Variants in MMEL1 observed in about 807,000 individuals in gnomAD.
The protein encoded by MMEL1 is membrane metallo-endopeptidase-like 1.
A neutral mutation model predicts 117.1 loss-of-function variants in MMEL1; 98 were observed. That is an observed-to-expected ratio of 0.84 (90% CI 0.71 to 0.99). MMEL1 has a LOEUF of 0.99. MMEL1 is among the 50% of genes least tolerant of loss of function. The probability of loss-of-function intolerance (pLI) is 0.00; values close to 1 mark genes in which losing one functional copy is unlikely to be tolerated. For synonymous variants in MMEL1, 390 were observed against 415.1 expected (o/e 0.94, Z 0.74); for missense variants, 1,014 against 1,049.1 (o/e 0.97, Z 0.46).
chr1:2,596,482 G>A, intron 14 of MMEL1, 79 bp downstream of exon 14: 2 of 1,551,596 alleles, frequency 1.3e-6, no homozygotes, highest in East Asian at 2.3e-5. Context: ...CCTGGGCGGG[G>A]TGGGAGTCTC....
At chr1:2,614,149 G>C (rs1171308332) in intron 2 of MMEL1, among the ~76,000 whole-genome samples, 2 of 152,232 alleles carry the variant, frequency 1.3e-5, no homozygotes, top group Non-Finnish European at 2.9e-5. Flanking sequence ...ATAGCACAAA[G>C]AGTAAACCTT....
At chr1:2,615,224 G>T (rs1407560988) in intron 2 of MMEL1, among the ~76,000 whole-genome samples, 1 of 152,118 alleles carries the variant, frequency 6.6e-6, no homozygotes, top group African/African-American at 2.4e-5. Flanking sequence ...CTATGAAAAA[G>T]AAGGGAAAAA....
chr1:2,596,082 C>T lies in MMEL1; in HGVS notation c.1427G>A (p.Arg476Gln), dbSNP rs571643521. Reference sequence around the variant, plus strand: ...GTCCAGCGTCTCCACAAACACTGTCCGCACCTTGTCAATGAGTTCTCTGAC... The same window carrying T: ...GTCCAGCGTCTCCACAAACACTGTCTGCACCTTGTCAATGAGTTCTCTGAC... ...SMVRELIDKVRTVFVETLDEL... is the reference protein window; with the variant it reads ...SMVRELIDKVQTVFVETLDEL... The change falls in exon 15 of 24, where the codon CGG becomes CAG. Residue 476 changes from arginine (R) to glutamine (Q), a missense_variant. Arg to Gln is a conservative substitution (Grantham distance 43). Coordinates refer to ENST00000378412, the MANE Select transcript of MMEL1 (RefSeq NM_033467.4). The T allele has an allele frequency of 3.1e-5, 50 of 1,614,030 alleles. No homozygotes were observed. The highest frequency in any genetic ancestry group is 6.7e-5 in the East Asian group (3 of 44,866).
intron 22 of MMEL1, 34 bp from the exon 23 acceptor site, chr1:2,591,667 CGTG>C: frequency 3.6e-6 from 2 of 555,190 alleles, no homozygotes; most frequent in Non-Finnish European, 6.5e-6. Context: ...CTACAGGTGG[CGTG>C]GTGGGGTGGC....
Position 2,593,890 on chromosome 1 carries a change from C to T in MMEL1, c.1791G>A (p.Glu597=). ...CTCCAAAGTTCAAGGCCTGTGGCTG[C>T]TCCTTGCTGAAGAAGGGGGGCTGGA... ...GILQPPFFSK[E]QPQALNFGGI... is the part of the protein sequence containing the mutation. Residue 597 remains glutamate, a synonymous_variant, in exon 19 of 24, where the codon GAG becomes GAA. Transcript: ENST00000378412. 1 of 1,612,296 alleles carries T rather than the reference C, an allele frequency of 6.2e-7. No homozygotes were observed. The highest frequency in any genetic ancestry group is 1.1e-5 in the South Asian group (1 of 90,968).
At chr1:2,607,801 G>A (rs563231504) in intron 6 of MMEL1, among the ~76,000 whole-genome samples, 24 of 152,120 alleles carry the variant, frequency 1.6e-4, no homozygotes, top group East Asian at 5.8e-4. Flanking sequence ...ACTAGAGGCC[G>A]GCCTCCTCTG....
Position 2,620,703 on chromosome 1 carries a change from G to A in MMEL1, c.155-8499C>T, listed in dbSNP as rs981429545. Among the ~76,000 whole-genome samples, 26 of 151,772 alleles carry A rather than the reference G, an allele frequency of 1.7e-4. 1 individual carries two copies. ...CTCACTGTCTCTTTCCACCACATGAGGACACAGCAAGAAGGTGGCCATTTG... is the reference window on the plus strand; with the variant it reads ...CTCACTGTCTCTTTCCACCACATGAAGACACAGCAAGAAGGTGGCCATTTG... On this transcript the variant is annotated intron_variant, in intron 2 of 23. Transcript: ENST00000378412.
At chr1:2,630,934 C>T (rs753728802) in intron 1 of MMEL1, among the ~76,000 whole-genome samples, 13 of 128,038 alleles carry the variant, frequency 1.0e-4, no homozygotes, top group African/African-American at 3.0e-4. Context: ...TGATTGTGTG[C>T]GTGGATATGC....
chr1:2,592,990 G>C lies in MMEL1; in HGVS notation c.1868-24C>G. 3 of 1,610,108 alleles carry C rather than the reference G, an allele frequency of 1.9e-6. No individual in the cohort carries two copies. The South Asian group carries it at 3.3e-5, about 18-fold the overall frequency. Reference sequence around the variant, plus strand: ...GCCTGGGCAGGGGCAGAGGAGGGCTGCCCACATGCCCCTGGCTGCACTGTG... The same window carrying C: ...GCCTGGGCAGGGGCAGAGGAGGGCTCCCCACATGCCCCTGGCTGCACTGTG... On this transcript the variant is annotated intron_variant, in intron 19 of 23. Coordinates refer to ENST00000378412, the MANE Select transcript of MMEL1 (RefSeq NM_033467.4).
intron 6 of MMEL1, among the ~76,000 whole-genome samples, chr1:2,607,572 A>G (rs1645050605): frequency 6.6e-6 from 1 of 152,088 alleles, no homozygotes; most frequent in Non-Finnish European, 1.5e-5. Context: ...GGGCTTTTGC[A>G]GTCGAAGATT....
intron 7 of MMEL1, among the ~76,000 whole-genome samples, chr1:2,606,759 G>A (rs1645035607): frequency 6.6e-6 from 1 of 152,156 alleles, no homozygotes; most frequent in African/African-American, 2.4e-5. Flanking sequence ...GGGCTGGATG[G>A]GACTGGCCAC....
Position 2,612,895 on chromosome 1 carries a change from G to T in MMEL1, c.155-691C>A, listed in dbSNP as rs746695312. 2.0e-5 allele frequency among the ~76,000 whole-genome samples: 3 copies of T among 152,182 alleles called. No individual in the cohort carries two copies. Among genetic ancestry groups the T allele is most frequent in the Non-Finnish European group, 4.4e-5 (3 of 68,026 alleles). On this transcript the variant is annotated intron_variant, in intron 2 of 23. Transcript: ENST00000378412. The surrounding 1 kb of genome is among the most constrained non-coding windows in gnomAD (Gnocchi z 5.4). ...CCAGGCCTGGCTACCTTCAGACCTG[G>T]CTTGTGGCCGAATTTCCCCAGCAGT...
In MMEL1 at chr1:2,591,014, G is replaced by A. The variant is rs1248324768; in HGVS notation, c.2316C>T (p.Pro772=). Residue 772 remains proline, a synonymous_variant, in exon 24 of 24, where the codon CCC becomes CCT. Transcript: ENST00000378412. ...FHCARGTPMH[P]KERCRVW ...GCTACCACACGCGGCATCGCTCCTT[G>A]GGGTGCATGGGGGTGCCCCGGGCAC... 8.7e-6 allele frequency: 14 copies of A among 1,602,122 alleles called. No individual in the cohort carries two copies. In the East Asian group the frequency reaches 2.9e-4, roughly 34 times the overall value.
chr1:2,594,873 C>T lies in MMEL1; in HGVS notation c.1605G>A (p.Leu535=), dbSNP rs1054019776. ...GGTTCTGCAGACTGTTCTCAAAGTA[C>T]AGGTCCTCTGAGAAGTTCAGCTACG... The part of the protein sequence containing the change: ...EYSNLNFSED[L]YFENSLQNLK... The change falls in exon 17 of 24, where the codon CTG becomes CTA. Residue 535 remains leucine, a synonymous_variant. Coordinates refer to ENST00000378412, the MANE Select transcript of MMEL1 (RefSeq NM_033467.4). The T allele has an allele frequency of 1.2e-6, 2 of 1,613,958 alleles. No individual in the cohort carries two copies. Among genetic ancestry groups the T allele is most frequent in the Non-Finnish European group, 1.7e-6 (2 of 1,179,968 alleles).
At chr1:2,628,283 C>T (rs1199129858) in intron 2 of MMEL1, among the ~76,000 whole-genome samples, 1 of 152,248 alleles carries the variant, frequency 6.6e-6, no homozygotes, top group Non-Finnish European at 1.5e-5. Context: ...GCCAGCCATG[C>T]AGCCCCGGGC....
intron 2 of MMEL1, among the ~76,000 whole-genome samples, chr1:2,626,430 T>C (rs1459772122): frequency 6.6e-6 from 1 of 152,242 alleles, no homozygotes; most frequent in African/African-American, 2.4e-5. Flanking sequence ...CAGATGTAAA[T>C]ATTTGAGGCT....
At chr1:2,592,439 A>G (rs187339910) in intron 21 of MMEL1, among the ~76,000 whole-genome samples, 2 of 15,646 alleles carry the variant, frequency 1.3e-4, no homozygotes, top group Non-Finnish European at 1.8e-4. Context: ...CTCCCCTGCC[A>G]TGCTGACGCC....
rs868127703 is a variant in MMEL1 at position 2,619,594 on chromosome 1, G to T, written c.155-7390C>A. On this transcript the variant is annotated intron_variant, in intron 2 of 23. Coordinates refer to ENST00000378412, the MANE Select transcript of MMEL1 (RefSeq NM_033467.4). ...AATCACTTGAATCCAGGAGGCAGAGGTTGCATGGATCCAAGATCGTGCCAC... is the reference window on the plus strand; with the variant it reads ...AATCACTTGAATCCAGGAGGCAGAGTTTGCATGGATCCAAGATCGTGCCAC... Among the ~76,000 whole-genome samples, 3 of 150,552 alleles carry T rather than the reference G, an allele frequency of 2.0e-5. No individual in the cohort carries two copies. The South Asian group carries it at 6.3e-4, about 31-fold the overall frequency.
chr1:2,609,686 C>T lies in MMEL1; in HGVS notation c.438G>A (p.Leu146=). The change falls in exon 5 of 24, where the codon CTG becomes CTA. Residue 146 remains leucine, a synonymous_variant. Coordinates refer to ENST00000378412, the MANE Select transcript of MMEL1 (RefSeq NM_033467.4). ...YSIFDVLRDE[L]EVILKAVLEN... ...CTCTGCCACCTTTGAGGATGACCTC[C>T]AGCTCGTCGCGGAGGACGTCAAAGA... 5 of 1,611,142 alleles carry T rather than the reference C, an allele frequency of 3.1e-6. No individual in the cohort carries two copies. The highest frequency in any genetic ancestry group is 4.2e-6 in the Non-Finnish European group (5 of 1,178,602).
Sources: allele counts gnomAD v4.1 joint callset (sites outside exome capture counted in the v4.1 genomes callset), GRCh38; gene constraint gnomAD v4.1.1; non-coding constraint Gnocchi (gnomAD v3.1); transcripts MANE v1.5; gene names NCBI Gene and HGNC (gene_info 2026-07-23, HGNC 2026-07-21).